The following NEDD9 variants were observed in gnomAD, a reference collection of about 807,000 sequenced individuals.
NEDD9 encodes the protein neural precursor cell expressed, developmentally down-regulated 9, also known as enhancer of filamentation 1.
In NEDD9, 26 loss-of-function variants were observed where a neutral mutation model predicts 76.6. The observed-to-expected ratio is 0.34, with a 90% confidence interval of 0.25 to 0.47. The LOEUF (loss-of-function observed/expected upper bound fraction) is 0.47, where lower values mean the gene tolerates loss of function less well. Ranked by LOEUF, NEDD9 falls within the 20% of genes least tolerant of loss-of-function variation. NEDD9 has a pLI of 1.00. For missense variants in NEDD9, 937 were observed against 1,058.5 expected (o/e 0.89, Z 1.59); for synonymous variants, 392 against 414.2 (o/e 0.95, Z 0.65).
intron 3 of NEDD9, among the ~76,000 whole-genome samples, chr6:11,246,565 A>G (rs1193300300): frequency 3.3e-5 from 5 of 152,312 alleles, no homozygotes; most frequent in Admixed American, 6.5e-5. Context: ...GGTTTAACCA[A>G]TGAAGCCTGC....
rs34184473 is a variant in NEDD9, at chr6:11,190,958, G to T, written c.911C>A (p.Pro304Gln). Reference sequence around the variant, plus strand: ...AGAGCCCACTGACTGTCCGAGTTGCGGGGGTGGGTGATTCGGGGACAGGCT... The same window carrying T: ...AGAGCCCACTGACTGTCCGAGTTGCTGGGGTGGGTGATTCGGGGACAGGCT... Reference protein sequence around the residue: ...HQSLSPNHPPPQLGQSVGSQN... With the variant: ...HQSLSPNHPPQQLGQSVGSQN... The change falls in exon 5 of 7, where the codon CCG (proline) becomes CAG (glutamine). Residue 304 changes from proline (P) to glutamine (Q), a missense_variant. By Grantham distance (76) the Pro-to-Gln change is moderately conservative (BLOSUM62 -1). Transcript: ENST00000379446. This position sits in a 1 kb window ranked among gnomAD's most constrained non-coding sequence, Gnocchi z 5.8. 1.2e-5 allele frequency: 19 copies of T among 1,613,860 alleles called. No homozygotes were observed. Among genetic ancestry groups the T allele is most frequent in the Non-Finnish European group, 1.6e-5 (19 of 1,179,996 alleles).
rs527723864 is a variant in NEDD9, at chr6:11,252,855, A to C, written c.13-39128T>G. 3.2e-4 allele frequency among the ~76,000 whole-genome samples: 48 copies of C among 152,262 alleles called. No homozygotes were observed. Among genetic ancestry groups the C allele is most frequent in the Non-Finnish European group, 5.4e-4 (37 of 68,050 alleles). Reference sequence around the variant, plus strand: ...TACATATTCTAAAAATAAATAAATAAAAATTAGACACAGAAATGGAAGTGA... The same window carrying C: ...TACATATTCTAAAAATAAATAAATACAAATTAGACACAGAAATGGAAGTGA... On this transcript the variant is annotated intron_variant, in intron 3 of 3. Coordinates refer to the NEDD9 transcript ENST00000397378. This position sits in a 1 kb window ranked among gnomAD's most constrained non-coding sequence, Gnocchi z 4.3.
intron 1 of NEDD9, among the ~76,000 whole-genome samples, chr6:11,360,566 G>C (rs528648181): frequency 6.6e-6 from 1 of 151,944 alleles, no homozygotes; most frequent in East Asian, 1.9e-4. Flanking sequence ...ATGAGATCTG[G>C]TTGGTGAGAG....
chr6:11,335,091 C>G (rs1396398025), intron 1 of NEDD9, among the ~76,000 whole-genome samples: 1 of 151,320 alleles, frequency 6.6e-6, no homozygotes, highest in Non-Finnish European at 1.5e-5. Flanking sequence ...GGTGAAAAAG[C>G]TCGGTAAGTG....
chr6:11,315,869 A>C (rs1761538458), intron 2 of NEDD9, among the ~76,000 whole-genome samples: 1 of 152,250 alleles, frequency 6.6e-6, no homozygotes, highest in Admixed American at 6.5e-5. Flanking sequence ...CATGTTCTAC[A>C]AACAGCAAGG....
intron 2 of NEDD9, among the ~76,000 whole-genome samples, chr6:11,202,987 G>T (rs979882974): frequency 1.3e-5 from 2 of 152,152 alleles, no homozygotes; most frequent in Admixed American, 1.3e-4. Flanking sequence ...CAGCAAACCC[G>T]CTCAATGGAA....
At chr6:11,259,490 GA>G (rs1483493150) in intron 3 of NEDD9, among the ~76,000 whole-genome samples, 1 of 152,162 alleles carries the variant, frequency 6.6e-6, no homozygotes, top group African/African-American at 2.4e-5. Flanking sequence ...CATTACCAAG[GA>G]GTACTACTGT....
rs1488755698 is a variant in NEDD9 at position 11,198,239 on chromosome 6, G to A, written c.460-4547C>T. 6.6e-6 allele frequency: 1 copy of A among 152,120 alleles called. No individual in the cohort carries two copies. The highest frequency in any genetic ancestry group is 1.5e-5 in the Non-Finnish European group (1 of 68,030). The allele number at this position is 152,120 out of a possible 1,614,324, so 9.4% of individuals were successfully genotyped here. ...AAACAGTGTCTTGGCCAAACTAAAC[G>A]CGTCTTTGGCCTCCGGGCTGCCAGT... On this transcript the variant is annotated intron_variant, in intron 2 of 6. Transcript: ENST00000379446. This position sits in a 1 kb window ranked among gnomAD's most constrained non-coding sequence, Gnocchi z 4.7.
chr6:11,322,276 T>C (rs1304772177), intron 2 of NEDD9, among the ~76,000 whole-genome samples: 1 of 152,084 alleles, frequency 6.6e-6, no homozygotes, highest in East Asian at 1.9e-4. Flanking sequence ...CAAACCACCA[T>C]GGCACACGTA....
chr6:11,363,873 C>T (rs1485399140), intron 1 of NEDD9, among the ~76,000 whole-genome samples: 1 of 152,074 alleles, frequency 6.6e-6, no homozygotes, highest in African/African-American at 2.4e-5. Context: ...AAATTAGGCA[C>T]TGTTGTAAGC....
chr6:11,320,591 G>T (rs1388802934), intron 2 of NEDD9, among the ~76,000 whole-genome samples: 1 of 152,200 alleles, frequency 6.6e-6, no homozygotes, highest in Non-Finnish European at 1.5e-5. Context: ...ATAGTGCAGG[G>T]CTACGTGCTA....
At chr6:11,287,234 C>T (rs1355433791) in intron 3 of NEDD9, among the ~76,000 whole-genome samples, 1 of 152,120 alleles carries the variant, frequency 6.6e-6, no homozygotes, top group East Asian at 1.9e-4. Context: ...TCGAGACCAG[C>T]CTGGCCAACA....
chr6:11,252,675 T>G lies in NEDD9; in HGVS notation c.13-38948A>C, dbSNP rs190864959. Reference sequence around the variant, plus strand: ...AAAGCATTATTATCCTAATCAAAGTTGAAAATGACAAATAGAGGACAGAAA... The same window carrying G: ...AAAGCATTATTATCCTAATCAAAGTGGAAAATGACAAATAGAGGACAGAAA... On this transcript the variant is annotated intron_variant, in intron 3 of 3. Coordinates refer to the NEDD9 transcript ENST00000397378. This position sits in a 1 kb window ranked among gnomAD's most constrained non-coding sequence, Gnocchi z 4.3. Among the ~76,000 whole-genome samples, 1 of 152,026 alleles carries G rather than the reference T, an allele frequency of 6.6e-6. No individual in the cohort carries two copies. The highest frequency in any genetic ancestry group is 2.4e-5 in the African/African-American group (1 of 41,370).
intron 1 of NEDD9, among the ~76,000 whole-genome samples, chr6:11,222,784 G>A (rs1396681348): frequency 6.6e-6 from 1 of 152,220 alleles, no homozygotes; most frequent in Admixed American, 6.5e-5. Context: ...ACAAACTGGG[G>A]CTAGGCCTGT....
chr6:11,245,286 C>T (rs1028425346), intron 3 of NEDD9, among the ~76,000 whole-genome samples: 4 of 152,138 alleles, frequency 2.6e-5, no homozygotes, highest in Admixed American at 6.5e-5. Context: ...GACCCAAAGG[C>T]GAAGCAGATC....
At chr6:11,261,811 CT>C (rs1760121343) in intron 3 of NEDD9, among the ~76,000 whole-genome samples, 1 of 131,448 alleles carries the variant, frequency 7.6e-6, no homozygotes, top group African/African-American at 3.2e-5. Flanking sequence ...TCCCAAACAA[CT>C]AAAAGTCTGT....
intron 1 of NEDD9, among the ~76,000 whole-genome samples, chr6:11,335,738 T>A (rs1762143818): frequency 6.6e-6 from 1 of 152,216 alleles, no homozygotes; most frequent in Non-Finnish European, 1.5e-5. Context: ...TTGGCAAAAA[T>A]GTGTTGATAG....
intron 1 of NEDD9, among the ~76,000 whole-genome samples, chr6:11,355,874 C>G (rs1339695161): frequency 6.6e-6 from 1 of 150,456 alleles, no homozygotes; most frequent in Non-Finnish European, 1.5e-5. Flanking sequence ...GCACCCGCCA[C>G]CACGCCCGGC....
At chr6:11,379,827 G>A (rs1171179739) in intron 1 of NEDD9, among the ~76,000 whole-genome samples, 1 of 152,188 alleles carries the variant, frequency 6.6e-6, no homozygotes, top group Non-Finnish European at 1.5e-5. Flanking sequence ...GGAGCCAAGA[G>A]TTAGAGTAGC....
Sources: gnomAD v4.1 joint callset for allele counts (sites outside exome capture counted in the v4.1 genomes callset) on GRCh38, gnomAD v4.1.1 for gene constraint, Gnocchi (gnomAD v3.1) non-coding constraint, MANE v1.5 for transcripts, NCBI Gene and HGNC (gene_info 2026-07-23, HGNC 2026-07-21) for gene names.